The following PRELID2 variants were observed in gnomAD, a reference collection of about 807,000 sequenced individuals.
The protein encoded by PRELID2 is PRELI domain-containing protein 2.
A neutral mutation model predicts 28.4 loss-of-function variants in PRELID2; 25 were observed. That is an observed-to-expected ratio of 0.88 (90% CI 0.64 to 1.23). The LOEUF is 1.23. Ranked by LOEUF, PRELID2 falls within the 50% of genes most tolerant of loss-of-function variation. The pLI is 0.00. For missense variants in PRELID2, 201 were observed against 214.4 expected, an observed-to-expected ratio of 0.94 and a Z score of 0.39; for synonymous variants, 76 against 71.6, an observed-to-expected ratio of 1.06 and a Z score of -0.31.
intron 5 of PRELID2, among the ~76,000 whole-genome samples, chr5:145,772,672 G>T (rs1294626680): frequency 6.6e-6 from 1 of 152,152 alleles, no homozygotes; most frequent in Non-Finnish European, 1.5e-5. Context: ...TTCTCATTAG[G>T]TCACTTCCAA....
At chr5:145,794,647 G>GCAGTTAC (rs1752615690) in intron 5 of PRELID2, among the ~76,000 whole-genome samples, 1 of 152,142 alleles carries the variant, frequency 6.6e-6, no homozygotes, top group African/African-American at 2.4e-5. Context: ...AGCAGGGAAA[G>GCAGTTAC]CAGTTACCAC....
chr5:145,799,295 A>G (rs1377646586), intron 4 of PRELID2, among the ~76,000 whole-genome samples: 2 of 151,996 alleles, frequency 1.3e-5, no homozygotes, highest in Admixed American at 1.3e-4. Flanking sequence ...AAAATGAAAG[A>G]GAAATTAAGA....
At chr5:145,410,823 C>T in the PRELID2 span, among the ~76,000 whole-genome samples, 2 of 152,040 alleles carry the variant, frequency 1.3e-5, no homozygotes, top group East Asian at 1.9e-4. Context: ...ACAGTCATAC[C>T]TTTTCAACCA....
At chr5:145,673,489 A>G (rs1028883058) in intron 1 of PRELID2, among the ~76,000 whole-genome samples, 5 of 138,780 alleles carry the variant, frequency 3.6e-5, no homozygotes, top group Admixed American at 2.9e-4. Flanking sequence ...AGGAAAGAAA[A>G]GAAAAGAAAA....
chr5:145,638,329 A>T (rs1754037888), intron 1 of PRELID2, among the ~76,000 whole-genome samples: 4 of 152,306 alleles, frequency 2.6e-5, no homozygotes, highest in Non-Finnish European at 5.9e-5. Context: ...TGATAATGAT[A>T]TACACTACTA....
At chr5:145,669,066 T>A (rs889604844) in intron 1 of PRELID2, among the ~76,000 whole-genome samples, 2 of 152,128 alleles carry the variant, frequency 1.3e-5, no homozygotes, top group East Asian at 3.9e-4. Context: ...CTTCCCTTCA[T>A]GTCTTCTGGA....
intron 1 of PRELID2, among the ~76,000 whole-genome samples, chr5:145,534,739 T>A (rs1752684938): frequency 6.6e-6 from 1 of 152,000 alleles, no homozygotes; most frequent in East Asian, 1.9e-4. Context: ...GTGCTCACAG[T>A]GTTGGGAAAA....
intron 1 of PRELID2, among the ~76,000 whole-genome samples, chr5:145,659,412 A>C (rs1754451498): frequency 1.3e-5 from 2 of 152,252 alleles, no homozygotes; most frequent in Admixed American, 1.3e-4. Context: ...ATTTTAAGGC[A>C]GACTCAACAA....
chr5:145,397,202 A>G, the PRELID2 span, among the ~76,000 whole-genome samples: 7 of 152,246 alleles, frequency 4.6e-5, no homozygotes, highest in South Asian at 1.5e-3. Context: ...TAAGATCTAT[A>G]AAGCATCCAT....
At chr5:145,516,029 A>G (rs911330077) in intron 1 of PRELID2, among the ~76,000 whole-genome samples, 2 of 152,228 alleles carry the variant, frequency 1.3e-5, no homozygotes, top group African/African-American at 4.8e-5. Context: ...GCCACAGCCA[A>G]TATCATACTG....
chr5:145,414,608 C>T, the PRELID2 span, among the ~76,000 whole-genome samples: 4 of 152,108 alleles, frequency 2.6e-5, no homozygotes, highest in South Asian at 2.1e-4. Context: ...ATATAGTAGG[C>T]CTTCAATAAA....
At chr5:145,743,880 G>A (rs1756913212) in intron 1 of PRELID2, among the ~76,000 whole-genome samples, 2 of 152,228 alleles carry the variant, frequency 1.3e-5, no homozygotes, top group African/African-American at 2.4e-5. Context: ...CTTGGGGGAG[G>A]AGCAGTGGCC....
chr5:145,368,595 A>G, the PRELID2 span, among the ~76,000 whole-genome samples: 9 of 151,934 alleles, frequency 5.9e-5, no homozygotes, highest in Admixed American at 3.3e-4. Flanking sequence ...CATGGCCTTT[A>G]CACATACGGA....
the PRELID2 span, among the ~76,000 whole-genome samples, chr5:145,319,121 G>A: frequency 3.3e-5 from 5 of 152,212 alleles, no homozygotes; most frequent in East Asian, 1.9e-4. Flanking sequence ...ATAGGGGGGC[G>A]TTGTGGGTCA....
the PRELID2 span, among the ~76,000 whole-genome samples, chr5:145,355,774 T>A: frequency 1.3e-5 from 2 of 152,194 alleles, no homozygotes; most frequent in Non-Finnish European, 2.9e-5. Flanking sequence ...ATAAACAGTC[T>A]AACCTCTTAG....
In PRELID2 at chr5:145,713,369, T is replaced by TATATATATATATATATATATATATATAC. The variant is rs1334656798; in HGVS notation, n.70+51561_70+51562insGTATATATATATATATATATATATATAT. On this transcript the variant is annotated intron_variant and non_coding_transcript_variant, in intron 1 of 2. Transcript: ENST00000510259. Reference sequence around the variant, plus strand: ...CTGACTTTATATATATATATATATATACTTTACATTATATATATATAATGA... The same window carrying TATATATATATATATATATATATATATAC: ...CTGACTTTATATATATATATATATATATATATATATATATATATATATATATACACTTTACATTATATATATATAATGA... 9.8e-4 allele frequency among the ~76,000 whole-genome samples: 142 copies of TATATATATATATATATATATATATATAC among 144,582 alleles called. 1 individual carries two copies. Among genetic ancestry groups the TATATATATATATATATATATATATATAC allele is most frequent in the African/African-American group, 3.4e-3 (134 of 39,116 alleles). The allele number at this position is 144,582 out of a possible 152,430, so 94.9% of individuals were successfully genotyped here.
chr5:145,817,421 T>TTATATATATATATATA (rs6149278), intron 4 of PRELID2, among the ~76,000 whole-genome samples: 114 of 103,576 alleles, frequency 1.1e-3, no homozygotes, highest in African/African-American at 3.0e-3. Context: ...TAAGCTAGTT[T>TTATATATATATATATA]TATATATATA....
At chr5:145,294,420 ATGAC>A in the PRELID2 span, among the ~76,000 whole-genome samples, 39,655 of 151,802 alleles carry the variant, frequency 0.26, 5,484 homozygotes, top group Non-Finnish European at 0.3. Flanking sequence ...ATAAAATCAA[ATGAC>A]TTCGAGTTTT....
intron 1 of PRELID2, among the ~76,000 whole-genome samples, chr5:145,829,472 T>A (rs4529254): frequency 6.6e-6 from 1 of 151,958 alleles, no homozygotes; most frequent in South Asian, 2.1e-4. Context: ...AGGAGCCTGC[T>A]GTGTGCTGAA....
Sources: allele counts gnomAD v4.1 joint callset (sites outside exome capture counted in the v4.1 genomes callset), GRCh38; gene constraint gnomAD v4.1.1; transcripts MANE v1.5; gene names NCBI Gene and HGNC (gene_info 2026-07-23, HGNC 2026-07-21).